Variants in GPATCH2 observed in about 807,000 individuals in gnomAD.
The protein encoded by GPATCH2 is G-patch domain containing 2, also known as G patch domain-containing protein 2.
A neutral mutation model predicts 58.0 loss-of-function variants in GPATCH2; 51 were observed. The ratio of observed to expected loss-of-function variants is 0.88; its 90% CI spans 0.70 to 1.11. The LOEUF (loss-of-function observed/expected upper bound fraction) is 1.11. GPATCH2 is among the 50% of genes most tolerant of loss of function. GPATCH2 has a pLI of 0.00. For missense variants in GPATCH2, 625 were observed against 652.2 expected (o/e 0.96, Z 0.45); for synonymous variants, 222 against 218.5 (o/e 1.02, Z -0.14).
intron 9 of GPATCH2, among the ~76,000 whole-genome samples, chr1:217,436,153 T>C (rs907828693): frequency 1.3e-5 from 2 of 151,940 alleles, no homozygotes; most frequent in South Asian, 4.2e-4. Context: ...ATATTTCTTA[T>C]GGAATGCTTA....
intron 6 of GPATCH2, among the ~76,000 whole-genome samples, chr1:217,501,493 CAT>C (rs993193230): frequency 2.6e-5 from 4 of 152,036 alleles, no homozygotes; most frequent in African/African-American, 9.7e-5. Context: ...ATTGTAGTTA[CAT>C]GTTTAGTTTC....
chr1:217,577,990 G>A (rs542533730), intron 5 of GPATCH2, among the ~76,000 whole-genome samples: 10 of 149,622 alleles, frequency 6.7e-5, no homozygotes, highest in African/African-American at 1.5e-4. Context: ...CAGGTGATCC[G>A]TCCTCCTTGG....
chr1:217,625,792 G>C (rs1348611867), intron 1 of GPATCH2, among the ~76,000 whole-genome samples: 1 of 152,098 alleles, frequency 6.6e-6, no homozygotes, highest in East Asian at 1.9e-4. Flanking sequence ...AGACCAGCCT[G>C]GCCAACATGG....
At chr1:217,598,212 C>A (rs951501622) in intron 5 of GPATCH2, among the ~76,000 whole-genome samples, 2 of 151,814 alleles carry the variant, frequency 1.3e-5, no homozygotes, top group African/African-American at 4.8e-5. Context: ...ATATCGAAAC[C>A]CTGACTCTAC....
chr1:217,457,485 C>T (rs1659997058), intron 8 of GPATCH2, among the ~76,000 whole-genome samples: 1 of 152,144 alleles, frequency 6.6e-6, no homozygotes, highest in Non-Finnish European at 1.5e-5. Context: ...CTATTATTAT[C>T]ATCCCCACCC....
At chr1:217,628,698 AG>A (rs1326292536) in intron 1 of GPATCH2, among the ~76,000 whole-genome samples, 14 of 149,244 alleles carry the variant, frequency 9.4e-5, no homozygotes, top group Non-Finnish European at 1.5e-4. Context: ...AAAAAAAAAA[AG>A]AATACCATAG....
intron 5 of GPATCH2, among the ~76,000 whole-genome samples, chr1:217,599,678 C>T (rs1027986179): frequency 6.6e-6 from 1 of 152,156 alleles, no homozygotes; most frequent in Non-Finnish European, 1.5e-5. Context: ...CATCCTAAGT[C>T]TTCATGACAT....
intron 6 of GPATCH2, among the ~76,000 whole-genome samples, chr1:217,500,101 T>C (rs1002330468): frequency 6.6e-6 from 1 of 152,134 alleles, no homozygotes; most frequent in African/African-American, 2.4e-5. Context: ...TTTCTGCTAC[T>C]AAGCTTTTCT....
intron 5 of GPATCH2, among the ~76,000 whole-genome samples, chr1:217,540,673 A>C (rs1664694277): frequency 6.6e-6 from 1 of 152,222 alleles, no homozygotes; most frequent in African/African-American, 2.4e-5. Context: ...GGATTCAACA[A>C]GTACCTACTA....
intron 9 of GPATCH2, among the ~76,000 whole-genome samples, chr1:217,432,449 A>G (rs374573748): frequency 2.0e-5 from 3 of 152,166 alleles, no homozygotes; most frequent in African/African-American, 4.8e-5. Flanking sequence ...AACAAACACC[A>G]TAACAGTCAA....
chr1:217,441,112 A>G (rs987469919), intron 9 of GPATCH2, among the ~76,000 whole-genome samples: 1 of 152,194 alleles, frequency 6.6e-6, no homozygotes, highest in Admixed American at 6.5e-5. Flanking sequence ...ACTAGACTGC[A>G]AGGCTACAGT....
At chr1:217,439,862 G>A (rs1369929671) in intron 9 of GPATCH2, among the ~76,000 whole-genome samples, 4 of 152,298 alleles carry the variant, frequency 2.6e-5, no homozygotes, top group African/African-American at 9.6e-5. Flanking sequence ...CTGACATTGA[G>A]GCAGCAATTA....
Position 217,449,241 on chromosome 1 carries a change from T to C in GPATCH2, c.1366+8A>G. 6.7e-7 allele frequency: 1 copy of C among 1,497,146 alleles called. No homozygotes were observed. The highest frequency in any genetic ancestry group is 9.3e-7 in the Non-Finnish European group (1 of 1,073,144). The allele number at this position is 1,497,146 out of a possible 1,614,324, so 92.7% of individuals were successfully genotyped here. A position where few individuals can be genotyped will look rare whatever the true frequency, so the allele number is the denominator to read the frequency against. ...TTGTGCTCCACTCTAACCCTGCTTTTGTTTTACCTGCAGTAGTAGGTCCAG... is the reference window on the plus strand; with the variant it reads ...TTGTGCTCCACTCTAACCCTGCTTTCGTTTTACCTGCAGTAGTAGGTCCAG... On this transcript the variant is annotated splice_region_variant and intron_variant, in intron 9 of 9. Transcript: ENST00000366935.
chr1:217,559,098 TA>T (rs1207993971), intron 5 of GPATCH2, among the ~76,000 whole-genome samples: 1 of 152,096 alleles, frequency 6.6e-6, no homozygotes, highest in Admixed American at 6.6e-5. Context: ...AACAATTAAT[TA>T]AAAATGGCAC....
intron 8 of GPATCH2, among the ~76,000 whole-genome samples, chr1:217,487,392 C>A (rs1427883829): frequency 2.0e-5 from 3 of 151,316 alleles, no homozygotes; most frequent in African/African-American, 4.9e-5. Context: ...AATATAGTTG[C>A]TTCTGACACA....
chr1:217,460,337 G>A (rs1660148743), intron 8 of GPATCH2, among the ~76,000 whole-genome samples: 1 of 152,134 alleles, frequency 6.6e-6, no homozygotes, highest in South Asian at 2.1e-4. Context: ...ATAAACTTCT[G>A]CTGAAAACGT....
rs1019601 is a variant in GPATCH2, at chr1:217,516,231, T to A, written c.1099-1342A>T. Among the ~76,000 whole-genome samples, 467 of 128,630 alleles carry A rather than the reference T, an allele frequency of 3.6e-3. 1 individual carries two copies. Among genetic ancestry groups the A allele is most frequent in the Middle Eastern group, 0.011 (3 of 262 alleles). The allele number at this position is 128,630 out of a possible 152,430, so 84.4% of individuals were successfully genotyped here. A position where few individuals can be genotyped will look rare whatever the true frequency, so the allele number is the denominator to read the frequency against. On this transcript the variant is annotated intron_variant, in intron 5 of 9. Coordinates refer to ENST00000366935, the MANE Select transcript of GPATCH2 (RefSeq NM_018040.5). The stretch of plus-strand genomic sequence containing the variant: ...TTTAAGTTATGTTCCATTTTAATTT[T>A]AAAAAAAAACCCTCTGTAATTATAG...
intron 5 of GPATCH2, among the ~76,000 whole-genome samples, chr1:217,559,248 G>C (rs561255826): frequency 1.3e-5 from 2 of 151,670 alleles, no homozygotes; most frequent in South Asian, 4.2e-4. Context: ...GATCAGCTAA[G>C]GCCAAAAGAT....
chr1:217,574,653 T>A (rs1666725940), intron 5 of GPATCH2, among the ~76,000 whole-genome samples: 1 of 152,202 alleles, frequency 6.6e-6, no homozygotes, highest in Non-Finnish European at 1.5e-5. Context: ...TTTACATATG[T>A]TATATTCATT....
Sources: gnomAD v4.1 joint callset for allele counts (sites outside exome capture counted in the v4.1 genomes callset) on GRCh38, gnomAD v4.1.1 for gene constraint, MANE v1.5 for transcripts, NCBI Gene and HGNC (gene_info 2026-07-23, HGNC 2026-07-21) for gene names.